Variants in UVRAG observed in about 807,000 individuals in gnomAD.
UVRAG encodes the protein UV radiation resistance associated.
In UVRAG, 19 loss-of-function variants were observed where a neutral mutation model predicts 78.0. The ratio of observed to expected loss-of-function variants is 0.24; its 90% CI spans 0.17 to 0.36. UVRAG has a LOEUF of 0.36. Among genes scored for constraint, UVRAG ranks in the 10% least tolerant of loss-of-function variants. The pLI is 1.00. For missense variants in UVRAG, 740 were observed against 853.8 expected, an observed-to-expected ratio of 0.87 and a Z score of 1.66; for synonymous variants, 323 against 324.6, an observed-to-expected ratio of 1.00 and a Z score of 0.05.
chr11:76,100,382 G>T (rs1951857904), intron 13 of UVRAG, among the ~76,000 whole-genome samples: 1 of 152,054 alleles, frequency 6.6e-6, no homozygotes, highest in African/African-American at 2.4e-5. Context: ...ACACATAGTA[G>T]ATACACAAAA....
chr11:76,101,049 G>A (rs544227081), intron 13 of UVRAG, among the ~76,000 whole-genome samples: 1 of 152,216 alleles, frequency 6.6e-6, no homozygotes, highest in African/African-American at 2.4e-5. Flanking sequence ...TTGCAGTTAT[G>A]AACAGTGCTG....
At chr11:76,139,909 C>T (rs1049899712) in intron 14 of UVRAG, among the ~76,000 whole-genome samples, 2 of 151,460 alleles carry the variant, frequency 1.3e-5, no homozygotes, top group African/African-American at 4.9e-5. Flanking sequence ...ACCCAAAAGA[C>T]AGCATTGCAG....
At chr11:75,953,055 C>T (rs1412320448) in intron 6 of UVRAG, among the ~76,000 whole-genome samples, 1 of 152,058 alleles carries the variant, frequency 6.6e-6, no homozygotes, top group Non-Finnish European at 1.5e-5. Context: ...ATAATTTCTC[C>T]TTAATTCCTT....
chr11:75,876,358 A>C (rs1048074804), intron 3 of UVRAG, among the ~76,000 whole-genome samples: 13 of 152,164 alleles, frequency 8.5e-5, no homozygotes, highest in African/African-American at 3.1e-4. Context: ...ATCCAAGTCT[A>C]TATCCAGTGT....
chr11:76,052,866 C>G (rs1480106135), intron 12 of UVRAG, among the ~76,000 whole-genome samples: 1 of 151,720 alleles, frequency 6.6e-6, no homozygotes, highest in African/African-American at 2.4e-5. Flanking sequence ...TTTATAATTC[C>G]CTATTCGATA....
chr11:76,038,132 T>C (rs904771114), intron 12 of UVRAG, among the ~76,000 whole-genome samples: 6 of 152,128 alleles, frequency 3.9e-5, no homozygotes, highest in African/African-American at 1.4e-4. Flanking sequence ...AACAAAACCT[T>C]AAATCACATT....
intron 14 of UVRAG, among the ~76,000 whole-genome samples, chr11:76,122,135 A>G (rs1467157294): frequency 6.6e-6 from 1 of 152,238 alleles, no homozygotes; most frequent in African/African-American, 2.4e-5. Flanking sequence ...ACATGTACTG[A>G]AAAAAGTAAA....
intron 13 of UVRAG, among the ~76,000 whole-genome samples, chr11:76,077,760 TTGC>T (rs1303649783): frequency 6.6e-6 from 1 of 152,230 alleles, no homozygotes; most frequent in Non-Finnish European, 1.5e-5. Flanking sequence ...GAGACCGTAC[TTGC>T]TGCTTTCCTT....
At chr11:75,952,020 C>T (rs559717708) in intron 6 of UVRAG, among the ~76,000 whole-genome samples, 16 of 152,198 alleles carry the variant, frequency 1.1e-4, no homozygotes, top group Middle Eastern at 6.8e-3. Context: ...AATATCTCAG[C>T]GGTGTTTTAT....
intron 8 of UVRAG, among the ~76,000 whole-genome samples, chr11:75,993,766 G>T (rs1949656075): frequency 6.6e-6 from 1 of 152,146 alleles, no homozygotes; most frequent in Admixed American, 6.6e-5. Context: ...ATATAGAAAA[G>T]AAGTTTAATT....
chr11:75,830,209 A>G (rs1331467220), intron 1 of UVRAG, among the ~76,000 whole-genome samples: 1 of 151,906 alleles, frequency 6.6e-6, no homozygotes, highest in Non-Finnish European at 1.5e-5. Context: ...TCTTTCTCCA[A>G]CTTCTGTTAT....
At chr11:75,975,062 G>T (rs1221238818) in intron 7 of UVRAG, among the ~76,000 whole-genome samples, 6 of 152,154 alleles carry the variant, frequency 3.9e-5, no homozygotes, top group Admixed American at 6.5e-5. Flanking sequence ...TGTATAAGGT[G>T]TAAGGAAGGG....
intron 13 of UVRAG, among the ~76,000 whole-genome samples, chr11:76,113,900 G>T (rs1193296640): frequency 6.6e-6 from 1 of 152,094 alleles, no homozygotes; most frequent in African/African-American, 2.4e-5. Flanking sequence ...GACCCAGACA[G>T]AGGCTTGAAA....
At chr11:76,013,531 AT>A (rs1415758110) in intron 11 of UVRAG, among the ~76,000 whole-genome samples, 2 of 152,232 alleles carry the variant, frequency 1.3e-5, no homozygotes, top group African/African-American at 4.8e-5. Context: ...TAGGGACGTC[AT>A]TAATGCTTAC....
At chr11:75,847,420 C>T (rs186622986) in intron 1 of UVRAG, among the ~76,000 whole-genome samples, 145 of 152,202 alleles carry the variant, frequency 9.5e-4, no homozygotes, top group African/African-American at 3.3e-3. Context: ...AGCCACTGTG[C>T]CCAGCCCAGC....
intron 12 of UVRAG, among the ~76,000 whole-genome samples, chr11:76,052,937 A>C (rs1591180038): frequency 6.7e-6 from 1 of 149,834 alleles, no homozygotes; most frequent in South Asian, 2.1e-4. Context: ...CTTTGTTTAT[A>C]TTATAGAGTA....
chr11:75,922,309 A>T (rs1000651567), intron 6 of UVRAG, among the ~76,000 whole-genome samples: 7 of 152,110 alleles, frequency 4.6e-5, no homozygotes, highest in Admixed American at 2.0e-4. Flanking sequence ...AGTATTTTGT[A>T]TAAAATAGGT....
intron 7 of UVRAG, among the ~76,000 whole-genome samples, chr11:75,973,091 A>T (rs1949158219): frequency 6.6e-6 from 1 of 152,218 alleles, no homozygotes; most frequent in African/African-American, 2.4e-5. Flanking sequence ...AATAGGAGCG[A>T]AAGGGGATAT....
At chr11:76,055,260 C>G (rs536721107) in intron 12 of UVRAG, among the ~76,000 whole-genome samples, 1 of 152,082 alleles carries the variant, frequency 6.6e-6, no homozygotes, top group Non-Finnish European at 1.5e-5. Context: ...ACTACCCAAG[C>G]TGGTCTCAAA....
Sources: gnomAD v4.1 joint callset for allele counts (sites outside exome capture counted in the v4.1 genomes callset) on GRCh38, gnomAD v4.1.1 for gene constraint, MANE v1.5 for transcripts, NCBI Gene and HGNC (gene_info 2026-07-23, HGNC 2026-07-21) for gene names.